Variants in ZMYND11 observed in about 807,000 individuals in gnomAD.
ZMYND11 encodes zinc finger MYND-type containing 11.
ZMYND11 carries 9 observed loss-of-function variants against 84.9 expected under a neutral mutation model. That is an observed-to-expected ratio of 0.11 (90% CI 0.06 to 0.18). The LOEUF is 0.18. Ranked by LOEUF, ZMYND11 falls within the 10% of genes least tolerant of loss-of-function variation. The pLI, the probability that ZMYND11 is intolerant of heterozygous loss-of-function variation, is 1.00. For synonymous variants in ZMYND11, 250 were observed against 244.1 expected, an observed-to-expected ratio of 1.02 and a Z score of -0.23; for missense variants, 409 against 761.0, an observed-to-expected ratio of 0.54 and a Z score of 5.44.
intron 2 of ZMYND11, among the ~76,000 whole-genome samples, chr10:193,949 A>G (rs1941098135): frequency 6.6e-6 from 1 of 152,174 alleles, no homozygotes; most frequent in Admixed American, 6.5e-5. Context: ...ACCACAAATT[A>G]AAAAATTCAT....
chr10:228,568 C>T (rs565680554), intron 4 of ZMYND11, among the ~76,000 whole-genome samples: 1 of 152,322 alleles, frequency 6.6e-6, no homozygotes, highest in East Asian at 1.9e-4. Context: ...GTAGGTAGTA[C>T]TTACATTGGC....
chr10:205,375 C>A (rs1943940129), intron 2 of ZMYND11, among the ~76,000 whole-genome samples: 1 of 151,954 alleles, frequency 6.6e-6, no homozygotes, highest in Non-Finnish European at 1.5e-5. Context: ...GGTAATGATA[C>A]CTCTTTTATT....
intron 11 of ZMYND11, 31 bp from the exon 12 acceptor site, chr10:247,367 G>A (rs1296696176): frequency 6.2e-7 from 1 of 1,611,086 alleles, no homozygotes; most frequent in Admixed American, 1.7e-5. Context: ...CTAGTGTCTG[G>A]AATAATATAT....
chr10:159,954 C>T (rs987881223), intron 1 of ZMYND11, among the ~76,000 whole-genome samples: 4 of 151,838 alleles, frequency 2.6e-5, no homozygotes, highest in African/African-American at 7.3e-5. Flanking sequence ...CTCTTTTTTC[C>T]AGTTCTGATT....
At chr10:146,112 C>T (rs1838765353) in intron 1 of ZMYND11, among the ~76,000 whole-genome samples, 1 of 152,138 alleles carries the variant, frequency 6.6e-6, no homozygotes, top group Admixed American at 6.6e-5. Flanking sequence ...ATCCAGTTTT[C>T]CCAGTACCAT....
intron 2 of ZMYND11, among the ~76,000 whole-genome samples, chr10:194,041 A>G (rs1023144430): frequency 2.0e-5 from 3 of 152,044 alleles, no homozygotes; most frequent in African/African-American, 4.8e-5. Context: ...ATGGAGTGCA[A>G]TAGTACAATC....
chr10:200,485 G>A (rs1309539309), intron 2 of ZMYND11, among the ~76,000 whole-genome samples: 1 of 150,680 alleles, frequency 6.6e-6, no homozygotes, highest in African/African-American at 2.4e-5. Context: ...TTGCTGTATT[G>A]CCCAGGCTGA....
chr10:147,843 A>G (rs1839279432), intron 1 of ZMYND11: 1 of 152,080 alleles, frequency 6.6e-6, no homozygotes, highest in Admixed American at 6.6e-5. Context: ...ATGGGTTGCC[A>G]TCCAGTTTGA....
intron 1 of ZMYND11, among the ~76,000 whole-genome samples, chr10:158,260 A>G (rs974349230): frequency 2.0e-5 from 3 of 152,072 alleles, no homozygotes; most frequent in African/African-American, 7.2e-5. Flanking sequence ...TTGCTGGGTC[A>G]TTTGGGAACT....
intron 6 of ZMYND11, among the ~76,000 whole-genome samples, 198 bp downstream of exon 6, chr10:237,875 T>A (rs1950239957): frequency 6.6e-6 from 1 of 152,232 alleles, no homozygotes; most frequent in Non-Finnish European, 1.5e-5. Flanking sequence ...CTTACTCTAA[T>A]GCAAATTAGG....
chr10:191,361 A>G (rs1940338653), intron 2 of ZMYND11, among the ~76,000 whole-genome samples: 1 of 152,182 alleles, frequency 6.6e-6, no homozygotes, highest in South Asian at 2.1e-4. Context: ...GCAAACTTTG[A>G]AGTTTTCAAA....
chr10:146,779 CATG>C (rs58009269), intron 1 of ZMYND11, among the ~76,000 whole-genome samples: 73 of 152,340 alleles, frequency 4.8e-4, no homozygotes, highest in African/African-American at 1.7e-3. Context: ...ATAATTGAAT[CATG>C]GTGGTGGGTT....
rs1950181118 is a variant in ZMYND11, at chr10:237,485, T to TA, written c.517-94dup. On this transcript the variant is annotated intron_variant, in intron 5 of 14. Coordinates refer to ENST00000381604, the MANE Select transcript of ZMYND11 (RefSeq NM_001370100.5). ...TGGCAAGACCCTGTCTCTACAAAAATAAAAAATAAAAAGGTAGAAAATATT... is the reference window on the plus strand; with the variant it reads ...TGGCAAGACCCTGTCTCTACAAAAATAAAAAAATAAAAAGGTAGAAAATATT... 4 of 707,146 alleles carry TA rather than the reference T, an allele frequency of 5.7e-6. No homozygotes were observed. In the South Asian group the frequency reaches 9.9e-5, roughly 17 times the overall value. 43.8% of individuals were successfully genotyped at this position (707,146 alleles called of 1,614,324 possible).
intron 8 of ZMYND11, 21 bp from the exon 9 acceptor site, chr10:240,872 G>T (rs764881971): frequency 5.7e-6 from 9 of 1,591,362 alleles, no homozygotes; most frequent in Non-Finnish European, 7.7e-6. Flanking sequence ...GTAGGCTAAA[G>T]TAGTTTCTTT....
intron 2 of ZMYND11, among the ~76,000 whole-genome samples, chr10:185,868 C>A (rs2448365): frequency 0.93 from 139,687 of 150,440 alleles, 65,208 homozygotes; most frequent in Non-Finnish European, 0.98. Context: ...AAGGCACAGG[C>A]TATTTTCTGA....
chr10:154,182 T>C (rs1476201825), intron 1 of ZMYND11, among the ~76,000 whole-genome samples: 3 of 152,236 alleles, frequency 2.0e-5, no homozygotes, highest in Non-Finnish European at 2.9e-5. Flanking sequence ...GATTAGCACA[T>C]TTTCTCTTCA....
chr10:197,185 TTTAG>T (rs1942005640), intron 2 of ZMYND11, among the ~76,000 whole-genome samples: 1 of 150,244 alleles, frequency 6.7e-6, no homozygotes, highest in African/African-American at 2.5e-5. Flanking sequence ...GTGGAGTGCT[TTTAG>T]TTCACGTGTG....
intron 12 of ZMYND11, 29 bp from the exon 13 acceptor site, chr10:248,307 G>C (rs1368731611): frequency 6.3e-7 from 1 of 1,598,826 alleles, no homozygotes; most frequent in Non-Finnish European, 8.5e-7. Context: ...GGCTTCGTTT[G>C]GCGTCTAAAC....
intron 1 of ZMYND11, among the ~76,000 whole-genome samples, chr10:138,056 A>G (rs1554752728): frequency 6.6e-6 from 1 of 151,984 alleles, no homozygotes; most frequent in East Asian, 1.9e-4. Context: ...AAAGAAATCA[A>G]TTAAAATGTT....
Sources: gnomAD v4.1 joint callset for allele counts (sites outside exome capture counted in the v4.1 genomes callset) on GRCh38, gnomAD v4.1.1 for gene constraint, MANE v1.5 for transcripts, NCBI Gene and HGNC (gene_info 2026-07-23, HGNC 2026-07-21) for gene names.